Variants in HADHB observed in about 807,000 individuals in gnomAD.
The protein encoded by HADHB is hydroxyacyl-CoA dehydrogenase trifunctional multienzyme complex subunit beta, also known as trifunctional enzyme subunit beta, mitochondrial.
In HADHB, 50 loss-of-function variants were observed where a neutral mutation model predicts 61.9. The observed-to-expected ratio is 0.81, with a 90% CI of 0.64 to 1.02. HADHB has a LOEUF of 1.02. HADHB is among the 50% of genes least tolerant of loss of function. The pLI is 0.00. For synonymous variants in HADHB, 191 were observed against 201.6 expected (o/e 0.95, Z 0.45); for missense variants, 504 against 586.5 (o/e 0.86, Z 1.45).
intron 4 of HADHB, among the ~76,000 whole-genome samples, chr2:26,264,611 T>TA (rs1426049516): frequency 6.7e-6 from 1 of 148,276 alleles, no homozygotes; most frequent in African/African-American, 2.5e-5. Flanking sequence ...TGCAATGACT[T>TA]ATGAAAGATA....
At chr2:26,284,007 A>G (rs916793107) in intron 12 of HADHB, 110 bp from the exon 13 acceptor site, 3 of 703,020 alleles carry the variant, frequency 4.3e-6, no homozygotes, top group Non-Finnish European at 7.7e-6. Context: ...AAATCAAAGA[A>G]TGAGTGAAAA....
intron 9 of HADHB, 144 bp from the exon 10 acceptor site, chr2:26,279,850 T>A (rs932669844): frequency 8.0e-5 from 52 of 651,210 alleles, no homozygotes; most frequent in Non-Finnish European, 1.3e-4. Flanking sequence ...TTTGATAATA[T>A]GATAATTATA....
At chr2:26,259,654 T>G (rs1671780639) in intron 3 of HADHB, among the ~76,000 whole-genome samples, 1 of 152,212 alleles carries the variant, frequency 6.6e-6, no homozygotes, top group Admixed American at 6.5e-5. Flanking sequence ...CTCCTACATA[T>G]AATAATGAAT....
At chr2:26,270,971 C>T (rs1170788202) in intron 5 of HADHB, among the ~76,000 whole-genome samples, 6 of 150,936 alleles carry the variant, frequency 4.0e-5, no homozygotes, top group Admixed American at 2.6e-4. Flanking sequence ...CTCTGCCTGC[C>T]GGGTTCACGC....
At chr2:26,249,642 G>A (rs1248664119) in intron 1 of HADHB, among the ~76,000 whole-genome samples, 1 of 151,810 alleles carries the variant, frequency 6.6e-6, no homozygotes. Flanking sequence ...GTACTCTTCT[G>A]CTTGTTTGGT....
chr2:26,255,542 G>A (rs1671575325), intron 3 of HADHB, among the ~76,000 whole-genome samples: 2 of 151,552 alleles, frequency 1.3e-5, no homozygotes, highest in African/African-American at 4.8e-5. Context: ...CTGGGATTTG[G>A]TTCCCAGGAT....
At chr2:26,275,073 T>G (rs1419865093) in intron 6 of HADHB, among the ~76,000 whole-genome samples, 1 of 152,158 alleles carries the variant, frequency 6.6e-6, no homozygotes, top group Non-Finnish European at 1.5e-5. Context: ...TATGTTGTGC[T>G]CCAGGTAATT....
chr2:26,246,918 C>G (rs1224239952), intron 1 of HADHB, among the ~76,000 whole-genome samples: 2 of 152,284 alleles, frequency 1.3e-5, no homozygotes, highest in Non-Finnish European at 2.9e-5. Context: ...GTATCAAGCA[C>G]TGTTTTAAGT....
At chr2:26,250,366 T>C (rs1334858460) in intron 1 of HADHB, among the ~76,000 whole-genome samples, 4 of 152,242 alleles carry the variant, frequency 2.6e-5, no homozygotes, top group Non-Finnish European at 5.9e-5. Context: ...TTTTCTGTTT[T>C]ACATGTTACA....
chr2:26,275,819 G>A (rs1672516471), intron 6 of HADHB, among the ~76,000 whole-genome samples: 1 of 152,190 alleles, frequency 6.6e-6, no homozygotes, highest in Non-Finnish European at 1.5e-5. Flanking sequence ...TAGCATAAAA[G>A]TAAGTAAGTA....
chr2:26,278,871 T>C, intron 8 of HADHB, 70 bp downstream of exon 8: 2 of 1,224,528 alleles, frequency 1.6e-6, no homozygotes, highest in Non-Finnish European at 2.4e-6. Flanking sequence ...TGGACTCTGC[T>C]ATGCTGTAAT....
chr2:26,249,057 C>CA lies in HADHB; in HGVS notation c.-9+4078dup, dbSNP rs112282659. On this transcript the variant is annotated intron_variant, in intron 1 of 15. Coordinates refer to ENST00000317799, the MANE Select transcript of HADHB (RefSeq NM_000183.3). ...GGGGGACAAGAGTGAGACTTTGTCTCAAAAAAAAAAAGAAAATCACAACTT... is the reference window on the plus strand; with the variant it reads ...GGGGGACAAGAGTGAGACTTTGTCTCAAAAAAAAAAAAGAAAATCACAACTT... Among the ~76,000 whole-genome samples, 1,057 of 136,680 alleles carry CA rather than the reference C, an allele frequency of 7.7e-3. 6 individuals are homozygous for CA. The highest frequency in any genetic ancestry group is 0.024 in the African/African-American group (889 of 37,122). The allele number at this position is 136,680 out of a possible 152,430, so 89.7% of individuals were successfully genotyped here. A position where few individuals can be genotyped will look rare whatever the true frequency, so the allele number is the denominator to read the frequency against.
chr2:26,289,228 C>T (rs1221897627), intron 15 of HADHB, among the ~76,000 whole-genome samples: 1 of 151,960 alleles, frequency 6.6e-6, no homozygotes, highest in African/African-American at 2.4e-5. Flanking sequence ...CCAGCCTGGG[C>T]AACGGCGAGG....
At chr2:26,252,926 G>A (rs994261960) in intron 1 of HADHB, among the ~76,000 whole-genome samples, 5 of 152,192 alleles carry the variant, frequency 3.3e-5, no homozygotes, top group African/African-American at 1.2e-4. Context: ...CTTGGCAGCA[G>A]TATATGAGAA....
intron 5 of HADHB, among the ~76,000 whole-genome samples, chr2:26,270,859 C>G (rs890469529): frequency 6.7e-6 from 1 of 150,272 alleles, no homozygotes; most frequent in African/African-American, 2.4e-5. Context: ...CTTCTGTATC[C>G]TGACTGATTC....
Position 26,260,510 on chromosome 2 carries a change from T to C in HADHB, c.110-2870T>C, listed in dbSNP as rs59726000. ...TTTTCTGTCTGCTCAAATAAGGATT[T>C]TCCTTGAGGACCGATGCATTTAACC... On this transcript the variant is annotated intron_variant, in intron 3 of 15. Transcript: ENST00000317799. 6.1e-3 allele frequency: 960 copies of C among 156,336 alleles called. 8 individuals carry two copies. The highest frequency in any genetic ancestry group is 0.022 in the African/African-American group (897 of 41,636). 9.7% of individuals were successfully genotyped at this position (156,336 alleles called of 1,614,324 possible).
intron 3 of HADHB, 65 bp from the exon 4 acceptor site, chr2:26,263,315 A>AT: frequency 1.6e-5 from 16 of 969,706 alleles, no homozygotes; most frequent in Non-Finnish European, 2.2e-5. Context: ...AAAAAAAAAA[A>AT]GTAAAAGTCA....
intron 7 of HADHB, among the ~76,000 whole-genome samples, chr2:26,278,084 G>A (rs376267706): frequency 6.6e-6 from 1 of 152,192 alleles, no homozygotes; most frequent in East Asian, 1.9e-4. Flanking sequence ...GCCCAGGTGG[G>A]CACCCCACCT....
intron 6 of HADHB, 103 bp from the exon 7 acceptor site, chr2:26,276,970 A>G: frequency 1.3e-6 from 1 of 746,272 alleles, no homozygotes; most frequent in Middle Eastern, 3.7e-4. Context: ...AGAATGTTAA[A>G]CTGAAACCGT....
Sources: gnomAD v4.1 joint callset for allele counts (sites outside exome capture counted in the v4.1 genomes callset) on GRCh38, gnomAD v4.1.1 for gene constraint, MANE v1.5 for transcripts, NCBI Gene and HGNC (gene_info 2026-07-23, HGNC 2026-07-21) for gene names.